Variants in TDRD3 observed in about 807,000 individuals in gnomAD.
TDRD3 encodes tudor domain-containing protein 3.
A neutral mutation model predicts 86.7 loss-of-function variants in TDRD3; 45 were observed. That is an observed-to-expected ratio of 0.52 (90% CI 0.41 to 0.67). The LOEUF is 0.67. TDRD3 is among the 30% of genes least tolerant of loss of function. TDRD3 has a pLI of 0.00. For synonymous variants in TDRD3, 298 were observed against 301.7 expected (o/e 0.99, Z 0.13); for missense variants, 814 against 889.0 (o/e 0.92, Z 1.07).
chr13:60,440,063 A>G (rs951562258), intron 2 of TDRD3, among the ~76,000 whole-genome samples: 2 of 152,166 alleles, frequency 1.3e-5, no homozygotes, highest in Non-Finnish European at 2.9e-5. Flanking sequence ...GCTACGTAAT[A>G]GTAGTAAAAA....
chr13:60,456,472 C>G (rs141598502), intron 3 of TDRD3, among the ~76,000 whole-genome samples: 3 of 152,268 alleles, frequency 2.0e-5, no homozygotes, highest in Admixed American at 2.0e-4. Context: ...AATGATACAT[C>G]TTTCTAAGCC....
At chr13:60,502,895 G>A (rs191673706) in intron 8 of TDRD3, among the ~76,000 whole-genome samples, 1 of 152,276 alleles carries the variant, frequency 6.6e-6, no homozygotes. Context: ...AAAGGAAAAT[G>A]GATTCTTATT....
At chr13:60,432,783 T>TG (rs1954987426) in intron 1 of TDRD3, among the ~76,000 whole-genome samples, 1 of 152,200 alleles carries the variant, frequency 6.6e-6, no homozygotes, top group African/African-American at 2.4e-5. Context: ...TTCCCTCTCT[T>TG]GTCCCACCTT....
chr13:60,571,863 T>G (rs1292038674), intron 13 of TDRD3, among the ~76,000 whole-genome samples: 2 of 152,108 alleles, frequency 1.3e-5, no homozygotes. Flanking sequence ...AGAGAAGGTC[T>G]TGGGGAGCAT....
At chr13:60,504,845 C>T (rs951120485) in intron 8 of TDRD3, among the ~76,000 whole-genome samples, 1 of 152,208 alleles carries the variant, frequency 6.6e-6, no homozygotes, top group African/African-American at 2.4e-5. Flanking sequence ...GGTCGGGGAA[C>T]TGTCTCCCAT....
chr13:60,427,919 A>G (rs1489641119), intron 1 of TDRD3, among the ~76,000 whole-genome samples: 1 of 152,212 alleles, frequency 6.6e-6, no homozygotes, highest in Admixed American at 6.5e-5. Flanking sequence ...AATTACCACA[A>G]GCTGGGTGGC....
intron 8 of TDRD3, among the ~76,000 whole-genome samples, chr13:60,498,365 G>A (rs1236173025): frequency 6.6e-6 from 1 of 152,186 alleles, no homozygotes; most frequent in Non-Finnish European, 1.5e-5. Flanking sequence ...CAGGGGCCAA[G>A]TGGTGGCACT....
At position 60,437,121 on chromosome 13, in the gene TDRD3, C is replaced by CTTTTTTT. The variant is rs528500199; in HGVS notation, c.42-2551_42-2545dup. Among the ~76,000 whole-genome samples the CTTTTTTT allele has an allele frequency of 8.7e-4, 64 of 73,786 alleles. 1 individual carries two copies. The highest frequency in any genetic ancestry group is 1.3e-3 in the Non-Finnish European group (53 of 39,598). The allele number at this position is 73,786 out of a possible 152,430, so 48.4% of individuals were successfully genotyped here. ...AGCATTAATTGTTTGATAAATTAAA[C>CTTTTTTT]TTTTTTTTTTTTTTTTTTTTTTGAG... On this transcript the variant is annotated intron_variant, in intron 1 of 13. Coordinates refer to ENST00000377881, the MANE Select transcript of TDRD3 (RefSeq NM_001146070.2).
intron 8 of TDRD3, among the ~76,000 whole-genome samples, chr13:60,504,886 T>C (rs541216174): frequency 6.6e-6 from 1 of 152,274 alleles, no homozygotes; most frequent in East Asian, 1.9e-4. Context: ...TATTGTGCCA[T>C]GAGGAATAGT....
At chr13:60,430,139 G>C (rs1954916785) in intron 1 of TDRD3, among the ~76,000 whole-genome samples, 1 of 152,160 alleles carries the variant, frequency 6.6e-6, no homozygotes, top group Non-Finnish European at 1.5e-5. Flanking sequence ...TTTTCATCTA[G>C]TTTTCACTAG....
At chr13:60,404,867 G>A (rs1272105450) in intron 1 of TDRD3, among the ~76,000 whole-genome samples, 2 of 152,214 alleles carry the variant, frequency 1.3e-5, no homozygotes, top group Non-Finnish European at 2.9e-5. Context: ...GGAAGGACCT[G>A]GTGGGAGATG....
At chr13:60,405,899 T>C (rs1316604006) in intron 1 of TDRD3, among the ~76,000 whole-genome samples, 1 of 152,180 alleles carries the variant, frequency 6.6e-6, no homozygotes, top group African/African-American at 2.4e-5. Flanking sequence ...GCAGATCGAC[T>C]TGACAGATAT....
At chr13:60,408,101 A>G (rs1284230573) in intron 1 of TDRD3, among the ~76,000 whole-genome samples, 2 of 144,216 alleles carry the variant, frequency 1.4e-5, no homozygotes, top group East Asian at 2.0e-4. Context: ...GTAAGCCCAA[A>G]TAAGTCTCAG....
intron 13 of TDRD3, among the ~76,000 whole-genome samples, 161 bp downstream of exon 13, chr13:60,567,811 C>T (rs1262353116): frequency 6.6e-6 from 1 of 152,128 alleles, no homozygotes; most frequent in Non-Finnish European, 1.5e-5. Context: ...GTAACTTCTG[C>T]CTCCCAGGTT....
chr13:60,397,291 G>GT lies in TDRD3; in HGVS notation c.-74_-73insT, dbSNP rs1265776691. On this transcript the variant is annotated 5_prime_UTR_variant, in exon 1 of 14. An upstream open reading frame in the 5' UTR gains an earlier in-frame stop. Coordinates refer to ENST00000377881, the MANE Select transcript of TDRD3 (RefSeq NM_001146070.2). ...TCTTTTCTTTTTTTTTTTTTAAGGG[G>GT]GGGGGTCTCAAGTAGGAGGCCTCCC... is the stretch of plus-strand genomic sequence containing the variant. The GT allele has an allele frequency of 6.3e-6, 5 of 795,630 alleles. No homozygotes were observed. The East Asian group carries it at 1.6e-4, about 26-fold the overall frequency. 49.3% of individuals were successfully genotyped at this position (795,630 alleles called of 1,614,324 possible).
chr13:60,531,136 G>T (rs1263362649), intron 11 of TDRD3, among the ~76,000 whole-genome samples: 1 of 152,152 alleles, frequency 6.6e-6, no homozygotes, highest in East Asian at 1.9e-4. Flanking sequence ...ACAGCACTGG[G>T]TGTCTTTTCT....
intron 1 of TDRD3, among the ~76,000 whole-genome samples, chr13:60,404,311 C>CTTTT (rs750395505): frequency 2.2e-5 from 3 of 135,482 alleles, no homozygotes; most frequent in African/African-American, 5.4e-5. Context: ...GGTTTGTTTG[C>CTTTT]TTTTTTTTTT....
intron 3 of TDRD3, among the ~76,000 whole-genome samples, chr13:60,451,923 C>A (rs1049061131): frequency 6.6e-6 from 1 of 152,072 alleles, no homozygotes; most frequent in East Asian, 1.9e-4. Context: ...ATTGAATCTG[C>A]GCATTAGCTT....
Position 60,450,525 on chromosome 13 carries a change from A to G in TDRD3, c.192+5777A>G, listed in dbSNP as rs529680920. Among the ~76,000 whole-genome samples the G allele has an allele frequency of 5.3e-5, 8 of 152,276 alleles. No homozygotes were observed. In the South Asian group the frequency reaches 1.7e-3, roughly 32 times the overall value. Reference sequence around the variant, plus strand: ...TAGTAAATACAAATAATCCTAGGGTACTTTATATTTCTGGAGGTAAATTAA... The same window carrying G: ...TAGTAAATACAAATAATCCTAGGGTGCTTTATATTTCTGGAGGTAAATTAA... On this transcript the variant is annotated intron_variant, in intron 3 of 13. Transcript: ENST00000377881.
Sources: allele counts gnomAD v4.1 joint callset (sites outside exome capture counted in the v4.1 genomes callset), GRCh38; gene constraint gnomAD v4.1.1; transcripts MANE v1.5; gene names NCBI Gene and HGNC (gene_info 2026-07-23, HGNC 2026-07-21).